IMMP2L: variants seen among roughly 807,000 people sequenced by gnomAD.
IMMP2L encodes mitochondrial inner membrane protease subunit 2.
In IMMP2L, 18 loss-of-function variants were observed where a neutral mutation model predicts 19.3. The observed-to-expected ratio is 0.93, with a 90% confidence interval of 0.64 to 1.38. The LOEUF is 1.38. IMMP2L is among the 40% of genes most tolerant of loss of function. IMMP2L has a pLI of 0.00. For synonymous variants in IMMP2L, 76 were observed against 73.0 expected, an observed-to-expected ratio of 1.04 and a Z score of -0.21; for missense variants, 233 against 218.2, an observed-to-expected ratio of 1.07 and a Z score of -0.43.
chr7:111,127,914 A>G (rs549080671), intron 3 of IMMP2L, among the ~76,000 whole-genome samples: 3 of 152,328 alleles, frequency 2.0e-5, no homozygotes, highest in East Asian at 3.9e-4. Flanking sequence ...ACAAAAATAT[A>G]TAAAAACAGT....
intron 5 of IMMP2L, among the ~76,000 whole-genome samples, chr7:110,707,192 T>G (rs1389961513): frequency 1.5e-5 from 1 of 66,000 alleles, no homozygotes; most frequent in Non-Finnish European, 3.0e-5. Context: ...AGTGTGATAT[T>G]CCCCTTCCTG....
intron 3 of IMMP2L, among the ~76,000 whole-genome samples, chr7:111,129,414 A>G (rs922638021): frequency 6.6e-6 from 1 of 150,446 alleles, no homozygotes; most frequent in African/African-American, 2.4e-5. Flanking sequence ...TATATTTACT[A>G]TATTATATGT....
At chr7:110,831,032 A>G (rs1584961208) in intron 5 of IMMP2L, among the ~76,000 whole-genome samples, 1 of 152,064 alleles carries the variant, frequency 6.6e-6, no homozygotes. Context: ...GCCCTGGGGG[A>G]GAGTTCACTT....
At chr7:111,415,320 G>C (rs1417138754) in intron 3 of IMMP2L, among the ~76,000 whole-genome samples, 1 of 151,696 alleles carries the variant, frequency 6.6e-6, no homozygotes, top group African/African-American at 2.4e-5. Context: ...ACATGAAAAA[G>C]GATCCTATGA....
intron 3 of IMMP2L, among the ~76,000 whole-genome samples, chr7:111,101,840 A>G (rs559053953): frequency 2.0e-5 from 3 of 151,536 alleles, no homozygotes; most frequent in Admixed American, 6.6e-5. Context: ...ACTGCCCCCA[A>G]TCTAAAAAGG....
intron 5 of IMMP2L, among the ~76,000 whole-genome samples, chr7:110,667,472 C>A (rs1043765215): frequency 2.0e-5 from 3 of 152,078 alleles, no homozygotes; most frequent in Admixed American, 6.6e-5. Context: ...AACCAGTTGA[C>A]CTTAAGATAA....
intron 4 of IMMP2L, among the ~76,000 whole-genome samples, chr7:110,891,202 A>T (rs572246512): frequency 7.9e-5 from 12 of 151,904 alleles, no homozygotes; most frequent in African/African-American, 2.7e-4. Context: ...AGCAGTTAGA[A>T]CTAGGTCTCT....
intron 3 of IMMP2L, among the ~76,000 whole-genome samples, chr7:111,468,823 T>A (rs896586581): frequency 6.6e-6 from 1 of 152,068 alleles, no homozygotes; most frequent in Non-Finnish European, 1.5e-5. Flanking sequence ...ATACAGATGA[T>A]AAGAAAAACC....
intron 3 of IMMP2L, among the ~76,000 whole-genome samples, chr7:111,114,321 T>C (rs1036876936): frequency 6.6e-6 from 1 of 152,164 alleles, no homozygotes; most frequent in Admixed American, 6.5e-5. Flanking sequence ...ACCTTGTCTA[T>C]CTCTATGCCA....
chr7:111,001,986 T>G lies in IMMP2L; in HGVS notation c.240-38421A>C, dbSNP rs542867279. On this transcript the variant is annotated intron_variant, in intron 3 of 5. Coordinates refer to ENST00000405709, the MANE Select transcript of IMMP2L (RefSeq NM_032549.4). ...CCATCTAGGCATGTGGTCAAGAAAT[T>G]ACAAGGAAACTGAGCAAACTAAAAT... Among the ~76,000 whole-genome samples the G allele has an allele frequency of 3.3e-5, 5 of 151,930 alleles. 1 individual carries two copies. The highest frequency in any genetic ancestry group is 1.2e-4 in the African/African-American group (5 of 41,434).
At chr7:111,233,567 T>C (rs867016252) in intron 3 of IMMP2L, among the ~76,000 whole-genome samples, 1 of 152,214 alleles carries the variant, frequency 6.6e-6, no homozygotes. Context: ...AGAAAAAAAG[T>C]CACCAATAAT....
In IMMP2L at chr7:111,549,342, G is replaced by C. The variant is rs573187651; in HGVS notation, c.-3+12509C>G. Among the ~76,000 whole-genome samples, 79 of 152,182 alleles carry C rather than the reference G, an allele frequency of 5.2e-4. 2 individuals are homozygous for C. In the South Asian group the frequency reaches 0.012, roughly 22 times the overall value. ...AACCCATGAAGTATGTGTTATCTCTGCTTTCCCAGAAGGAAAATGAAGTTC... is the reference window on the plus strand; with the variant it reads ...AACCCATGAAGTATGTGTTATCTCTCCTTTCCCAGAAGGAAAATGAAGTTC... On this transcript the variant is annotated intron_variant, in intron 1 of 5. Transcript: ENST00000405709.
intron 3 of IMMP2L, among the ~76,000 whole-genome samples, chr7:111,400,302 G>A (rs193244398): frequency 1.3e-5 from 2 of 152,252 alleles, no homozygotes; most frequent in East Asian, 3.9e-4. Context: ...ACTAACGATT[G>A]CAACAGTGAA....
At chr7:110,705,058 T>C (rs1293494898) in intron 5 of IMMP2L, among the ~76,000 whole-genome samples, 1 of 152,182 alleles carries the variant, frequency 6.6e-6, no homozygotes, top group East Asian at 1.9e-4. Context: ...CCACCAGAAA[T>C]AATCATAGAA....
chr7:110,774,215 T>C (rs1018968994), intron 5 of IMMP2L, among the ~76,000 whole-genome samples: 1 of 152,112 alleles, frequency 6.6e-6, no homozygotes, highest in African/African-American at 2.4e-5. Flanking sequence ...TGGTAAACCT[T>C]CAGTTACCTA....
intron 3 of IMMP2L, among the ~76,000 whole-genome samples, chr7:111,429,249 G>T (rs893782506): frequency 2.0e-5 from 3 of 151,900 alleles, no homozygotes; most frequent in Admixed American, 6.5e-5. Flanking sequence ...GGGGCCTGGG[G>T]AAGGGGGTAA....
At chr7:111,390,801 G>A (rs1215151048) in intron 3 of IMMP2L, 1 of 152,054 alleles carries the variant, frequency 6.6e-6, no homozygotes, top group Non-Finnish European at 1.5e-5. Flanking sequence ...AGAAATTATG[G>A]AACTGCAGTG....
intron 3 of IMMP2L, among the ~76,000 whole-genome samples, chr7:111,101,575 G>C (rs532472222): frequency 6.6e-6 from 1 of 151,170 alleles, no homozygotes; most frequent in Non-Finnish European, 1.5e-5. Context: ...ACAATCGTTC[G>C]AATTAATACA....
intron 3 of IMMP2L, among the ~76,000 whole-genome samples, chr7:111,127,601 G>T (rs2129592123): frequency 6.6e-6 from 1 of 152,146 alleles, no homozygotes; most frequent in East Asian, 1.9e-4. Context: ...AATGAGAATG[G>T]TGTTTCATAC....
Sources: gnomAD v4.1 joint callset for allele counts (sites outside exome capture counted in the v4.1 genomes callset) on GRCh38, gnomAD v4.1.1 for gene constraint, MANE v1.5 for transcripts, NCBI Gene and HGNC (gene_info 2026-07-23, HGNC 2026-07-21) for gene names.